Variants in JADE1 observed in about 807,000 individuals in gnomAD.
The protein encoded by JADE1 is protein Jade-1.
Under a neutral mutation model 81.8 loss-of-function variants are expected in JADE1, and 14 were observed. The observed-to-expected ratio is 0.17, with a 90% CI of 0.11 to 0.27. JADE1 has a LOEUF of 0.27. JADE1 is among the 10% of genes least tolerant of loss of function. The pLI, the probability that JADE1 is intolerant of heterozygous loss-of-function variation, is 1.00. For synonymous variants in JADE1, 353 were observed against 391.9 expected (o/e 0.90, Z 1.17); for missense variants, 690 against 1,047.9 (o/e 0.66, Z 4.71).
rs1290498200 is a variant in JADE1 at position 128,872,590 on chromosome 4, G to A, written c.*328G>A. 3.5e-6 allele frequency: 1 copy of A among 282,378 alleles called. No homozygotes were observed. Among genetic ancestry groups the A allele is most frequent in the Non-Finnish European group, 6.8e-6 (1 of 146,666 alleles). The allele number at this position is 282,378 out of a possible 1,614,324, so 17.5% of individuals were successfully genotyped here. On this transcript the variant is annotated 3_prime_UTR_variant, in exon 11 of 11. Coordinates refer to ENST00000226319, the MANE Select transcript of JADE1 (RefSeq NM_199320.4). ...GCCTCATGAATTTTTATAGCCCTCT[G>A]CATTCTTCCCAAAGCACAAACTCAT...
At chr4:128,857,226 C>T in intron 7 of JADE1, 112 bp from the exon 8 acceptor site, 2 of 829,268 alleles carry the variant, frequency 2.4e-6, no homozygotes, top group African/African-American at 1.7e-5. Flanking sequence ...GTGCCCCTTG[C>T]CACTGTCTGG....
intron 1 of JADE1, among the ~76,000 whole-genome samples, chr4:128,820,980 T>C (rs1727512996): frequency 1.3e-5 from 2 of 152,216 alleles, no homozygotes; most frequent in African/African-American, 4.8e-5. Context: ...AATAATGGGT[T>C]GTAGAATCCT....
chr4:128,846,382 G>C lies in JADE1; in HGVS notation c.146G>C (p.Arg49Thr). The C allele has an allele frequency of 6.2e-7, 1 of 1,614,110 alleles. No individual in the cohort carries two copies. Among genetic ancestry groups the C allele is most frequent in the Non-Finnish European group, 8.5e-7 (1 of 1,179,978 alleles). ...CTTTCTCTTCCTTTCCAGGTGTTTA[G>C]GACAGACCTGATCACTGCCATGAAG... ...HEDRKPSEVF[R>T]TDLITAMKLH... is the part of the protein sequence containing the mutation. Residue 49 changes from arginine to threonine, a missense_variant, in exon 4 of 11, where the codon AGG (arginine) becomes ACG (threonine). Around this residue, in one of 8 missense-constraint regions of JADE1, gnomAD observed 98 missense variants for 161.3 expected, o/e 0.61. Transcript: ENST00000226319. This position sits in a 1 kb window ranked among gnomAD's most constrained non-coding sequence, Gnocchi z 4.0.
chr4:128,860,527 C>T lies in JADE1; in HGVS notation c.982-1177C>T, dbSNP rs185944315. Among the ~76,000 whole-genome samples, 95 of 152,236 alleles carry T rather than the reference C, an allele frequency of 6.2e-4. No homozygotes were observed. The Middle Eastern group carries it at 0.031, about 49-fold the overall frequency. On this transcript the variant is annotated intron_variant, in intron 8 of 10. Coordinates refer to ENST00000226319, the MANE Select transcript of JADE1 (RefSeq NM_199320.4). ...TTCAACTTCTCAGTTGGCTTGAAGC[C>T]GCTGGATTCTACAGCTCTGTGCAGC...
chr4:128,824,272 T>A (rs576343606), intron 1 of JADE1, among the ~76,000 whole-genome samples: 25 of 151,748 alleles, frequency 1.6e-4, no homozygotes, highest in East Asian at 5.8e-4. Context: ...CAAAAAAATA[T>A]ATATATATAT....
At chr4:128,834,708 T>C (rs1728838664) in intron 2 of JADE1, among the ~76,000 whole-genome samples, 1 of 151,934 alleles carries the variant, frequency 6.6e-6, no homozygotes, top group Admixed American at 6.6e-5. Context: ...TACTTTTTTG[T>C]ATTTTTTAGT....
chr4:128,831,969 A>C lies in JADE1; in HGVS notation c.52+159A>C, dbSNP rs565844176. 2.0e-5 allele frequency among the ~76,000 whole-genome samples: 3 copies of C among 152,352 alleles called. No individual in the cohort carries two copies. In the East Asian group the frequency reaches 5.8e-4, roughly 29 times the overall value. On this transcript the variant is annotated intron_variant, in intron 2 of 10. Coordinates refer to ENST00000226319, the MANE Select transcript of JADE1 (RefSeq NM_199320.4). ...GAAACGTACCTGAGTGTGATACTGC[A>C]GGTCTGTAACCAGATCTTACTGGGT...
At chr4:128,868,723 A>G (rs1417071647) in intron 10 of JADE1, among the ~76,000 whole-genome samples, 2 of 152,178 alleles carry the variant, frequency 1.3e-5, no homozygotes, top group Non-Finnish European at 2.9e-5. Context: ...TTTGAGCCCT[A>G]TATTCTGTGA....
intron 2 of JADE1, among the ~76,000 whole-genome samples, chr4:128,835,856 T>C (rs1453185407): frequency 6.6e-6 from 1 of 152,178 alleles, no homozygotes; most frequent in African/African-American, 2.4e-5. Flanking sequence ...AATACCAGTG[T>C]GGTATTTACA....
At chr4:128,836,206 C>A (rs769499819) in intron 2 of JADE1, among the ~76,000 whole-genome samples, 44 of 152,246 alleles carry the variant, frequency 2.9e-4, no homozygotes, top group Non-Finnish European at 5.3e-4. Context: ...ACTCCCCCTA[C>A]CCTGCAAATC....
At chr4:128,840,524 G>GAAAAAAAAGC (rs1729344708) in intron 2 of JADE1, among the ~76,000 whole-genome samples, 2 of 152,140 alleles carry the variant, frequency 1.3e-5, no homozygotes, top group Non-Finnish European at 2.9e-5. Context: ...ATTCCATCCA[G>GAAAAAAAAGC]ACACTGCGTG....
At chr4:128,817,844 C>G (rs920680693) in intron 1 of JADE1, among the ~76,000 whole-genome samples, 2 of 152,156 alleles carry the variant, frequency 1.3e-5, no homozygotes, top group Non-Finnish European at 2.9e-5. Context: ...ATTCTGGTGA[C>G]TTCTTTTTAT....
chr4:128,822,141 G>C (rs1300018908), intron 1 of JADE1, among the ~76,000 whole-genome samples: 1 of 152,158 alleles, frequency 6.6e-6, no homozygotes, highest in East Asian at 1.9e-4. Flanking sequence ...ATAGGCTGGT[G>C]CTTTGCACTG....
At chr4:128,843,974 G>T (rs1461309619) in intron 3 of JADE1, among the ~76,000 whole-genome samples, 1 of 152,162 alleles carries the variant, frequency 6.6e-6, no homozygotes, top group Non-Finnish European at 1.5e-5. Flanking sequence ...CATCCCAGGA[G>T]GCACTTTAGC....
In JADE1 at chr4:128,867,963, A is replaced by G; in HGVS notation, c.1611A>G (p.Glu537=). The G allele has an allele frequency of 6.2e-7, 1 of 1,607,322 alleles. No individual in the cohort carries two copies. Among genetic ancestry groups the G allele is most frequent in the Non-Finnish European group, 8.5e-7 (1 of 1,173,886 alleles). Residue 537 remains glutamate (E), a synonymous_variant, in exon 10 of 11, where the codon GAA becomes GAG. Transcript: ENST00000226319. ...TTTACACTAAGCTTTTGGAGCAAGA[A>G]AGAGTTTCAGGTATGCATTAAGCCC... ...FNLYTKLLEQ[E]RVSGVPSSCS... is the part of the protein sequence containing the mutation.
chr4:128,815,625 A>G (rs1726962771), intron 1 of JADE1, among the ~76,000 whole-genome samples: 1 of 152,184 alleles, frequency 6.6e-6, no homozygotes, highest in Non-Finnish European at 1.5e-5. Context: ...GGAACAGTAA[A>G]CATCAAGATA....
chr4:128,862,718 C>T (rs931894446), intron 9 of JADE1: 19 of 1,005,266 alleles, frequency 1.9e-5, no homozygotes, highest in South Asian at 4.1e-5. Flanking sequence ...AAGCTAAGCA[C>T]GGCTGCTCAC....
intron 9 of JADE1, chr4:128,864,269 T>G: frequency 2.0e-6 from 1 of 494,704 alleles, no homozygotes; most frequent in Non-Finnish European, 2.6e-6. Flanking sequence ...TGCCTCGGTC[T>G]CATGAGTAGC....
At chr4:128,867,682 T>G (rs1297575127) in intron 9 of JADE1, among the ~76,000 whole-genome samples, 174 bp from the exon 10 acceptor site, 1 of 152,212 alleles carries the variant, frequency 6.6e-6, no homozygotes, top group Non-Finnish European at 1.5e-5. Flanking sequence ...GAATCCTTCT[T>G]ATCTGCCCAA....
Sources: allele counts gnomAD v4.1 joint callset (sites outside exome capture counted in the v4.1 genomes callset), GRCh38; gene constraint gnomAD v4.1.1; regional missense constraint gnomAD v4.1.1; non-coding constraint Gnocchi (gnomAD v3.1); transcripts MANE v1.5; gene names NCBI Gene and HGNC (gene_info 2026-07-23, HGNC 2026-07-21).